The following ABCA13 variants were observed in gnomAD, a reference collection of about 807,000 sequenced individuals.
ABCA13 encodes ATP binding cassette subfamily A member 13.
Under a neutral mutation model 478.7 loss-of-function variants are expected in ABCA13, and 476 were observed. The observed-to-expected ratio is 0.99, with a 90% confidence interval of 0.92 to 1.07. ABCA13 has a LOEUF of 1.07. Ranked by LOEUF, ABCA13 falls within the 50% of genes least tolerant of loss-of-function variation. The pLI, the probability that ABCA13 is intolerant of heterozygous loss-of-function variation, is 0.00. For missense variants in ABCA13, 6,060 were observed against 5,910.6 expected (o/e 1.03, Z -0.83); for synonymous variants, 2,252 against 2,158.9 (o/e 1.04, Z -1.20).
At chr7:48,311,283 C>G (rs951981474) in intron 24 of ABCA13, among the ~76,000 whole-genome samples, 2 of 152,140 alleles carry the variant, frequency 1.3e-5, no homozygotes, top group Non-Finnish European at 2.9e-5. Flanking sequence ...CACACACACT[C>G]CAAGAACAAA....
At chr7:48,351,908 T>C (rs1279528118) in intron 30 of ABCA13, among the ~76,000 whole-genome samples, 1 of 152,184 alleles carries the variant, frequency 6.6e-6, no homozygotes, top group Non-Finnish European at 1.5e-5. Flanking sequence ...TGACAAATAA[T>C]TTCTTTGTGT....
chr7:48,244,034 C>G (rs1328026967), intron 10 of ABCA13, among the ~76,000 whole-genome samples: 2 of 152,182 alleles, frequency 1.3e-5, no homozygotes, highest in Non-Finnish European at 2.9e-5. Context: ...CTTCTCTTCT[C>G]AGTTGTTTCT....
chr7:48,560,418 G>A (rs901453404), intron 55 of ABCA13, among the ~76,000 whole-genome samples: 3 of 152,172 alleles, frequency 2.0e-5, no homozygotes, highest in African/African-American at 7.2e-5. Flanking sequence ...TGTAATCAGC[G>A]ATTTATGACT....
Position 48,372,496 on chromosome 7 carries a change from T to G in ABCA13, c.11132T>G (p.Leu3711Arg). 1 of 1,518,806 alleles carries G rather than the reference T, an allele frequency of 6.6e-7. No individual in the cohort carries two copies. Among genetic ancestry groups the G allele is most frequent in the Non-Finnish European group, 8.9e-7 (1 of 1,126,208 alleles). The allele number at this position is 1,518,806 out of a possible 1,614,324, so 94.1% of individuals were successfully genotyped here. Residue 3711 changes from leucine to arginine, a missense_variant and splice_region_variant, in exon 33 of 62, where the codon CTG becomes CGG. Physicochemically the swap from Leu to Arg is moderately radical, Grantham distance 102 (BLOSUM62 -2). Transcript: ENST00000435803. The stretch of plus-strand genomic sequence containing the variant: ...TTAAGTTTTGTTAATCAGACATTTC[T>G]GGTAAGTAAGTTGTTTTGTAAAAAA... ...NQLSFVNQTF[L>R]CLLSTTAFGQ...
rs578012353 is a variant in ABCA13, at chr7:48,385,523, G to T, written c.11336-2299G>T. Among the ~76,000 whole-genome samples the T allele has an allele frequency of 2.6e-5, 4 of 152,274 alleles. No individual in the cohort carries two copies. In the South Asian group the frequency reaches 8.3e-4, roughly 32 times the overall value. Reference sequence around the variant, plus strand: ...TATGGCTGCATAGTAGTAGTCCATGGTGTATATGTACCACATTTTCTTTAT... The same window carrying T: ...TATGGCTGCATAGTAGTAGTCCATGTTGTATATGTACCACATTTTCTTTAT... On this transcript the variant is annotated intron_variant, in intron 35 of 61. Transcript: ENST00000435803.
chr7:48,441,894 T>A (rs966877109), intron 42 of ABCA13, among the ~76,000 whole-genome samples: 3 of 152,034 alleles, frequency 2.0e-5, no homozygotes, highest in African/African-American at 7.2e-5. Flanking sequence ...GCGAAAAAAA[T>A]GAAAACTGTG....
At chr7:48,342,414 A>G (rs886626793) in intron 29 of ABCA13, among the ~76,000 whole-genome samples, 2 of 152,014 alleles carry the variant, frequency 1.3e-5, no homozygotes, top group African/African-American at 4.8e-5. Flanking sequence ...ATATACTTTA[A>G]GGCTGTATTG....
chr7:48,233,978 T>G, intron 7 of ABCA13, 40 bp from the exon 8 acceptor site: 1 of 1,608,600 alleles, frequency 6.2e-7, no homozygotes, highest in Non-Finnish European at 8.5e-7. Context: ...ATCAAAATAT[T>G]CAAACAACTG....
chr7:48,397,639 GCA>G lies in ABCA13; in HGVS notation c.11873+5503_11873+5504del, dbSNP rs1817023228. On this transcript the variant is annotated intron_variant, in intron 38 of 61. Transcript: ENST00000435803. ...CTCTCTAGAAATGCACCACTGCATT[GCA>G]CAGTTTTATTTTTCCATACTTGGAT... Among the ~76,000 whole-genome samples, 8 of 152,140 alleles carry G rather than the reference GCA, an allele frequency of 5.3e-5. No individual in the cohort carries two copies. In the South Asian group the frequency reaches 1.7e-3, roughly 32 times the overall value.
intron 45 of ABCA13, among the ~76,000 whole-genome samples, chr7:48,478,482 C>T (rs1268898518): frequency 1.3e-5 from 2 of 151,990 alleles, no homozygotes; most frequent in Admixed American, 6.6e-5. Context: ...ATTCTTTTAA[C>T]ATGTACAGGG....
At chr7:48,428,134 A>G (rs973677447) in intron 42 of ABCA13, among the ~76,000 whole-genome samples, 1 of 152,118 alleles carries the variant, frequency 6.6e-6, no homozygotes. Flanking sequence ...AAATTTCTCA[A>G]TGTATACAGT....
chr7:48,405,490 C>T (rs1818145599), intron 39 of ABCA13, among the ~76,000 whole-genome samples: 1 of 152,208 alleles, frequency 6.6e-6, no homozygotes, highest in Non-Finnish European at 1.5e-5. Context: ...TACTGACCAC[C>T]ACTTCAAAAG....
chr7:48,590,637 G>A (rs1789636946), intron 57 of ABCA13, among the ~76,000 whole-genome samples: 1 of 152,014 alleles, frequency 6.6e-6, no homozygotes, highest in Non-Finnish European at 1.5e-5. Flanking sequence ...CCGAATCCTT[G>A]CCATTGCTGG....
chr7:48,582,049 A>C (rs911372319), intron 56 of ABCA13, among the ~76,000 whole-genome samples: 2 of 152,238 alleles, frequency 1.3e-5, no homozygotes, highest in African/African-American at 4.8e-5. Flanking sequence ...TACAGCAACC[A>C]TATGAAGTAG....
Position 48,202,032 on chromosome 7 carries a change from G to C in ABCA13, c.287+3672G>C, listed in dbSNP as rs183512057. On this transcript the variant is annotated intron_variant, in intron 3 of 61. Transcript: ENST00000435803. ...TTCCTCCCGGTGGGCTCGTGGTCTC[G>C]CTGGTATCAGGAGTGAAGCCGCAGA... 7.9e-5 allele frequency among the ~76,000 whole-genome samples: 12 copies of C among 152,060 alleles called. No homozygotes were observed. In the East Asian group the frequency reaches 2.3e-3, roughly 30 times the overall value.
rs772552738 is a variant in ABCA13, at chr7:48,272,310, C to T, written c.2644C>T (p.Pro882Ser). 104 of 1,613,562 alleles carry T rather than the reference C, an allele frequency of 6.4e-5. No homozygotes were observed. The Admixed American group carries it at 1.1e-3, about 17-fold the overall frequency. Residue 882 changes from proline to serine, a missense_variant, in exon 17 of 62, where the codon CCT becomes TCT. Pro to Ser is a moderately conservative substitution (Grantham distance 74). Around this residue, in one of 3 missense-constraint regions of ABCA13, gnomAD observed 4,423 missense variants for 4,309.1 expected, o/e 1.03. Coordinates refer to ENST00000435803, the MANE Select transcript of ABCA13 (RefSeq NM_152701.5). ...NFSQLFHSDW[P>S]KSPAMNIDFV... ...TTCCCAGTTGTTCCATTCAGATTGG[C>T]CTAAATCACCAGCTATGAACATAGA...
At chr7:48,231,661 A>G (rs1252391371) in intron 7 of ABCA13, among the ~76,000 whole-genome samples, 1 of 151,736 alleles carries the variant, frequency 6.6e-6, no homozygotes, top group Middle Eastern at 3.2e-3. Flanking sequence ...CTGAACTATT[A>G]TTATTATTAT....
intron 42 of ABCA13, among the ~76,000 whole-genome samples, chr7:48,451,516 A>G (rs1825032674): frequency 6.6e-6 from 1 of 152,166 alleles, no homozygotes; most frequent in South Asian, 2.1e-4. Context: ...AATCTTTACT[A>G]TATTGATTAG....
Position 48,272,476 on chromosome 7 carries a change from A to C in ABCA13, c.2810A>C (p.Gln937Pro), listed in dbSNP as rs1239140465. 1 of 1,613,794 alleles carries C rather than the reference A, an allele frequency of 6.2e-7. No homozygotes were observed. The highest frequency in any genetic ancestry group is 2.2e-5 in the East Asian group (1 of 44,868). Residue 937 changes from glutamine to proline, a missense_variant, in exon 17 of 62, where the codon CAA becomes CCA. Around this residue, in one of 3 missense-constraint regions of ABCA13, gnomAD observed 4,423 missense variants for 4,309.1 expected, o/e 1.03. Coordinates refer to ENST00000435803, the MANE Select transcript of ABCA13 (RefSeq NM_152701.5). ...SDLFSALSEPQKQEVDKILTH... is the reference protein window; with the variant it reads ...SDLFSALSEPPKQEVDKILTH... The stretch of plus-strand genomic sequence containing the variant: ...CTTTTCTCAGCCCTTTCTGAACCAC[A>C]AAAACAAGAAGTTGATAAAATTTTG...
Sources: allele counts gnomAD v4.1 joint callset (sites outside exome capture counted in the v4.1 genomes callset), GRCh38; gene constraint gnomAD v4.1.1; regional missense constraint gnomAD v4.1.1; transcripts MANE v1.5; gene names NCBI Gene and HGNC (gene_info 2026-07-23, HGNC 2026-07-21).